ADAM29: variants seen among roughly 807,000 people sequenced by gnomAD.
ADAM29 encodes the protein ADAM metallopeptidase domain 29, also known as disintegrin and metalloproteinase domain-containing protein 29.
For missense variants in ADAM29, 969 were observed against 1,001.8 expected (o/e 0.97, Z 0.44); for synonymous variants, 367 against 342.3 (o/e 1.07, Z -0.80).
intron 2 of ADAM29, among the ~76,000 whole-genome samples, chr4:174,930,084 A>G (rs1489213132): frequency 6.6e-6 from 1 of 151,908 alleles, no homozygotes; most frequent in East Asian, 1.9e-4. Flanking sequence ...GCCTGCCACC[A>G]TGCCCGGCTC....
intron 4 of ADAM29, among the ~76,000 whole-genome samples, chr4:174,972,842 C>A (rs1278229679): frequency 6.6e-6 from 1 of 152,038 alleles, no homozygotes; most frequent in Non-Finnish European, 1.5e-5. Context: ...CTTCCCAATC[C>A]CAGGAGAAAG....
chr4:174,943,257 T>C (rs1466885329), intron 4 of ADAM29, among the ~76,000 whole-genome samples: 1 of 152,186 alleles, frequency 6.6e-6, no homozygotes, highest in Non-Finnish European at 1.5e-5. Context: ...CAAACTCTTC[T>C]AACCTCTCCC....
At chr4:174,962,803 A>G (rs1426424936) in intron 4 of ADAM29, among the ~76,000 whole-genome samples, 1 of 152,156 alleles carries the variant, frequency 6.6e-6, no homozygotes, top group Non-Finnish European at 1.5e-5. Context: ...ACTTTGAATT[A>G]CTTGATTCAA....
chr4:174,973,847 C>T (rs1746603420), intron 4 of ADAM29, among the ~76,000 whole-genome samples: 1 of 152,140 alleles, frequency 6.6e-6, no homozygotes. Flanking sequence ...AGGCTTTGGT[C>T]TTCCTATGTC....
intron 4 of ADAM29, among the ~76,000 whole-genome samples, chr4:174,952,228 C>T (rs116146964): frequency 1.1e-3 from 162 of 152,018 alleles, no homozygotes; most frequent in African/African-American, 3.7e-3. Flanking sequence ...GGGCTCTCCG[C>T]GGATTCTTCC....
intron 3 of ADAM29, among the ~76,000 whole-genome samples, chr4:174,936,199 C>T (rs371995480): frequency 4.4e-4 from 67 of 152,050 alleles, no homozygotes; most frequent in Non-Finnish European, 7.2e-4. Context: ...ACTTGCATTG[C>T]GGAAATTCTG....
Position 174,944,483 on chromosome 4 carries a change from G to T in ADAM29, c.-181+7470G>T, listed in dbSNP as rs145394468. 1.1e-3 allele frequency among the ~76,000 whole-genome samples: 169 copies of T among 151,844 alleles called. 1 individual carries two copies. Among genetic ancestry groups the T allele is most frequent in the Non-Finnish European group, 1.5e-3 (102 of 67,896 alleles). ...TATTTTCATTTCATATTCAAAACATGGTTAGGAAATGTCAGCATTCTAGTC... is the reference window on the plus strand; with the variant it reads ...TATTTTCATTTCATATTCAAAACATTGTTAGGAAATGTCAGCATTCTAGTC... On this transcript the variant is annotated intron_variant, in intron 4 of 4. Coordinates refer to ENST00000359240, the MANE Select transcript of ADAM29 (RefSeq NM_014269.4).
At chr4:174,970,970 A>G (rs1052848957) in intron 4 of ADAM29, among the ~76,000 whole-genome samples, 4 of 152,160 alleles carry the variant, frequency 2.6e-5, no homozygotes, top group Non-Finnish European at 5.9e-5. Context: ...AAACTCTAGA[A>G]TAATCTCTGC....
chr4:174,970,967 A>AG (rs1320935031), intron 4 of ADAM29, among the ~76,000 whole-genome samples: 9 of 152,236 alleles, frequency 5.9e-5, no homozygotes, highest in Non-Finnish European at 1.2e-4. Flanking sequence ...CAGAAACTCT[A>AG]GAATAATCTC....
Position 174,977,526 on chromosome 4 carries a change from C to A in ADAM29, c.2001C>A (p.Pro667=). ...GAGGTAGTGTTGACAGTGGCCCACC[C>A]CCTAAGAGAAAGAAGAAAAAGAAGT... is the stretch of plus-strand genomic sequence containing the variant. The part of the protein sequence containing the change: ...GYGGSVDSGP[P]PKRKKKKKFC... Residue 667 remains proline (P), a synonymous_variant, in exon 5 of 5, where the codon CCC becomes CCA. Transcript: ENST00000359240. 1 of 1,614,100 alleles carries A rather than the reference C, an allele frequency of 6.2e-7. No individual in the cohort carries two copies. The highest frequency in any genetic ancestry group is 2.2e-5 in the East Asian group (1 of 44,876).
chr4:174,923,525 G>GTGTATATATATATATATATA (rs1447408794), intron 2 of ADAM29, among the ~76,000 whole-genome samples: 2 of 96,668 alleles, frequency 2.1e-5, no homozygotes, highest in Non-Finnish European at 4.2e-5. Flanking sequence ...TGCATTATAT[G>GTGTATATATATATATATATA]TATATATATA....
In ADAM29 at chr4:174,976,611, A is replaced by G; in HGVS notation, c.1086A>G (p.Pro362=). The change falls in exon 5 of 5, where the codon CCA becomes CCG. Residue 362 remains proline (P), a synonymous_variant. Coordinates refer to ENST00000359240, the MANE Select transcript of ADAM29 (RefSeq NM_014269.4). ...GCATAATGCATGAAGGCAACCCACC[A>G]ATAACTAAATTTAGCAATTGTAGTT... ...PRCIMHEGNP[P]ITKFSNCSYG... The G allele has an allele frequency of 1.2e-6, 2 of 1,609,292 alleles. No homozygotes were observed. The highest frequency in any genetic ancestry group is 2.2e-5 in the South Asian group (2 of 90,042).
chr4:174,952,689 A>T (rs1745255950), intron 4 of ADAM29, among the ~76,000 whole-genome samples: 2 of 151,826 alleles, frequency 1.3e-5, no homozygotes, highest in Non-Finnish European at 2.9e-5. Context: ...GTATCCGTAC[A>T]TGTGTTTCTG....
intron 4 of ADAM29, among the ~76,000 whole-genome samples, chr4:174,960,232 C>T (rs1473132839): frequency 2.0e-5 from 3 of 151,814 alleles, no homozygotes; most frequent in East Asian, 1.9e-4. Context: ...ATCAATTTTC[C>T]TGGTGTTGGA....
chr4:174,919,752 T>A (rs7666569), intron 1 of ADAM29, among the ~76,000 whole-genome samples: 1 of 152,036 alleles, frequency 6.6e-6, no homozygotes, highest in African/African-American at 2.4e-5. Context: ...CCCTTTTGAG[T>A]CAAAGTCAAC....
At chr4:174,936,531 A>T (rs773587484) in intron 3 of ADAM29, among the ~76,000 whole-genome samples, 61 of 152,022 alleles carry the variant, frequency 4.0e-4, no homozygotes, top group Non-Finnish European at 7.2e-4. Flanking sequence ...CTGGCAACTC[A>T]TTATAACTTT....
chr4:174,929,859 C>T (rs150552035), intron 2 of ADAM29, among the ~76,000 whole-genome samples: 2 of 151,546 alleles, frequency 1.3e-5, no homozygotes, highest in South Asian at 2.1e-4. Flanking sequence ...TGGGTTCAAG[C>T]GATTCTTCTG....
rs548361905 is a variant in ADAM29 at position 174,935,001 on chromosome 4, T to C, written c.-261-1932T>C. Among the ~76,000 whole-genome samples the C allele has an allele frequency of 2.0e-5, 3 of 152,154 alleles. No homozygotes were observed. In the South Asian group the frequency reaches 6.2e-4, roughly 32 times the overall value. ...GAAAAATGGATACACAGATGATAGATAGATACATAATCAATAGAGATAAAG... is the reference window on the plus strand; with the variant it reads ...GAAAAATGGATACACAGATGATAGACAGATACATAATCAATAGAGATAAAG... On this transcript the variant is annotated intron_variant, in intron 3 of 4. Coordinates refer to ENST00000359240, the MANE Select transcript of ADAM29 (RefSeq NM_014269.4).
In ADAM29 at chr4:174,977,721, T is replaced by A. The variant is rs1746943328; in HGVS notation, c.2196T>A (p.Ser732Arg). 4 of 1,613,430 alleles carry A rather than the reference T, an allele frequency of 2.5e-6. No individual in the cohort carries two copies. The East Asian group carries it at 8.9e-5, about 36-fold the overall frequency. ...GACCTCATGAGTTACCTCCCCAGAG[T>A]CAACCTTGGGTGATGCCTTCCCAGA... ...QRRPHELPPQ[S>R]QPWVMPSQSQ... is the part of the protein sequence containing the mutation. The change falls in exon 5 of 5, where the codon AGT becomes AGA. Residue 732 changes from serine to arginine, a missense_variant. By Grantham distance (110) the Ser-to-Arg change is moderately radical. Coordinates refer to ENST00000359240, the MANE Select transcript of ADAM29 (RefSeq NM_014269.4).
Sources: allele counts gnomAD v4.1 joint callset (sites outside exome capture counted in the v4.1 genomes callset), GRCh38; gene constraint gnomAD v4.1.1; transcripts MANE v1.5; gene names NCBI Gene and HGNC (gene_info 2026-07-23, HGNC 2026-07-21).